The following KIR2DL3 variants were observed in gnomAD, a reference collection of about 807,000 sequenced individuals.
KIR2DL3 encodes killer cell immunoglobulin-like receptor 2DL3.
KIR2DL3 carries 39 observed loss-of-function variants against 33.8 expected under a neutral mutation model. The ratio of observed to expected loss-of-function variants is 1.15; its 90% confidence interval spans 0.89 to 1.51. The LOEUF (loss-of-function observed/expected upper bound fraction) is 1.51, where lower values mean the gene tolerates loss of function less well. KIR2DL3 is among the 40% of genes most tolerant of loss of function. KIR2DL3 has a pLI of 0.00. For synonymous variants in KIR2DL3, 174 were observed against 160.2 expected, an observed-to-expected ratio of 1.09 and a Z score of -0.65; for missense variants, 462 against 426.2, an observed-to-expected ratio of 1.08 and a Z score of -0.74.
At chr19:54,749,793 T>C (rs1227290990) in intron 5 of KIR2DL3, among the ~76,000 whole-genome samples, 1 of 73,304 alleles carries the variant, frequency 1.4e-5, no homozygotes, top group Non-Finnish European at 2.8e-5. Flanking sequence ...GCTCCTATTC[T>C]GGAGGATGAA....
chr19:54,743,457 A>G (rs753877202), intron 3 of KIR2DL3, among the ~76,000 whole-genome samples: 2 of 152,270 alleles, frequency 1.3e-5, no homozygotes, highest in Admixed American at 1.3e-4. Context: ...TCGACAGATA[A>G]TAGATAGAAA....
At chr19:54,745,143 A>T (rs1479371607) in intron 4 of KIR2DL3, among the ~76,000 whole-genome samples, 3 of 151,460 alleles carry the variant, frequency 2.0e-5, no homozygotes, top group African/African-American at 7.3e-5. Flanking sequence ...CTTTCTATGG[A>T]TGAGTAGTCT....
chr19:54,740,981 A>T (rs1469453532), intron 2 of KIR2DL3, among the ~76,000 whole-genome samples: 1 of 151,640 alleles, frequency 6.6e-6, no homozygotes, highest in Admixed American at 6.6e-5. Context: ...AAAGTCAAGG[A>T]ACTGATTCTC....
Position 54,752,756 on chromosome 19 carries a change from T to A in KIR2DL3, c.*237T>A, listed in dbSNP as rs201421992. 2 of 637,690 alleles carry A rather than the reference T, an allele frequency of 3.1e-6. No homozygotes were observed. The highest frequency in any genetic ancestry group is 5.2e-6 in the Non-Finnish European group (2 of 383,742). The allele number at this position is 637,690 out of a possible 1,614,324, so 39.5% of individuals were successfully genotyped here. A position where few individuals can be genotyped will look rare whatever the true frequency, so the allele number is the denominator to read the frequency against. On this transcript the variant is annotated 3_prime_UTR_variant, in exon 8 of 8. Transcript: ENST00000342376. ...ACTGCCTGCTGGAGAGAAAACACACTCCTTTGCTTAGCCCACAATTCTCCA... is the reference window on the plus strand; with the variant it reads ...ACTGCCTGCTGGAGAGAAAACACACACCTTTGCTTAGCCCACAATTCTCCA...
chr19:54,738,919 TGGGCCTG>T (rs2070369531), intron 1 of KIR2DL3, among the ~76,000 whole-genome samples: 1 of 75,734 alleles, frequency 1.3e-5, no homozygotes, highest in Admixed American at 1.6e-4. Flanking sequence ...AGTGGAGATA[TGGGCCTG>T]GAGGTGGAGA....
chr19:54,752,425 TCA>T lies in KIR2DL3; in HGVS notation c.937_938del (p.Gln313GlufsTer27), dbSNP rs1208019025. 2.0e-6 allele frequency: 3 copies of T among 1,467,506 alleles called. 1 individual carries two copies. The highest frequency in any genetic ancestry group is 3.7e-5 in the Admixed American group (2 of 54,520). 90.9% of individuals were successfully genotyped at this position (1,467,506 alleles called of 1,614,324 possible). ...TATGCACAGTTGAATCACTGCGTTTTCACACAGAGAAAAATCACTCGCCCTTC... is the reference window on the plus strand; with the variant it reads ...TATGCACAGTTGAATCACTGCGTTTTCACAGAGAAAAATCACTCGCCCTTC... On this transcript the variant is annotated frameshift_variant, in exon 8 of 8. Transcript: ENST00000342376. LOFTEE classifies it low-confidence loss of function (END_TRUNC).
intron 3 of KIR2DL3, among the ~76,000 whole-genome samples, chr19:54,743,364 A>ACT (rs2071555862): frequency 6.6e-6 from 1 of 152,144 alleles, no homozygotes; most frequent in Non-Finnish European, 1.5e-5. Flanking sequence ...TAGATAGACA[A>ACT]GTGATAGATA....
At chr19:54,746,523 C>G (rs2072512792) in intron 4 of KIR2DL3, among the ~76,000 whole-genome samples, 1 of 148,502 alleles carries the variant, frequency 6.7e-6, no homozygotes, top group Non-Finnish European at 1.5e-5. Context: ...TTCATAGGTT[C>G]AGGCCTTAGA....
intron 4 of KIR2DL3, among the ~76,000 whole-genome samples, chr19:54,745,477 CT>C (rs1228845158): frequency 1.3e-5 from 2 of 151,924 alleles, no homozygotes; most frequent in Non-Finnish European, 2.9e-5. Flanking sequence ...ATTTTCCTGC[CT>C]CAGCCTCCCT....
chr19:54,740,631 C>T (rs2070872340), intron 2 of KIR2DL3, among the ~76,000 whole-genome samples: 1 of 151,556 alleles, frequency 6.6e-6, no homozygotes, highest in African/African-American at 2.4e-5. Flanking sequence ...CCTTGAGGGT[C>T]CCATCACGCA....
At chr19:54,740,848 G>A (rs1568927155) in intron 2 of KIR2DL3, among the ~76,000 whole-genome samples, 1 of 151,952 alleles carries the variant, frequency 6.6e-6, no homozygotes, top group Non-Finnish European at 1.5e-5. Context: ...AATCACAAGG[G>A]TGCACATGAA....
In KIR2DL3 at chr19:54,742,171, G is replaced by A. The variant is rs748164937; in HGVS notation, c.262G>A (p.Gly88Ser). The A allele has an allele frequency of 4.3e-5, 70 of 1,613,900 alleles. No individual in the cohort carries two copies. Among genetic ancestry groups the A allele is most frequent in the South Asian group, 4.1e-4 (37 of 91,076 alleles). ...DGVSKANFSI[G>S]PMMQDLAGTY... ...GGTCTCCAAGGCCAACTTCTCCATCGGTCCCATGATGCAAGACCTTGCAGG... is the reference window on the plus strand; with the variant it reads ...GGTCTCCAAGGCCAACTTCTCCATCAGTCCCATGATGCAAGACCTTGCAGG... The change falls in exon 3 of 8, where the codon GGT becomes AGT. Residue 88 changes from glycine to serine, a missense_variant. By Grantham distance (56) the Gly-to-Ser change is moderately conservative (BLOSUM62 0). Transcript: ENST00000342376.
At chr19:54,748,604 C>T (rs1264118090) in intron 5 of KIR2DL3, among the ~76,000 whole-genome samples, 1 of 146,950 alleles carries the variant, frequency 6.8e-6, no homozygotes, top group African/African-American at 2.5e-5. Flanking sequence ...AGCATCTGTG[C>T]ATGAAATCTA....
intron 4 of KIR2DL3, 38 bp from the exon 5 acceptor site, chr19:54,747,297 C>G (rs796996323): frequency 6.2e-7 from 1 of 1,606,110 alleles, no homozygotes; most frequent in African/African-American, 1.3e-5. Flanking sequence ...AGGACAGACA[C>G]CCTCATTTCC....
intron 2 of KIR2DL3, among the ~76,000 whole-genome samples, chr19:54,739,956 C>A (rs1416435490): frequency 1.3e-5 from 2 of 152,160 alleles, no homozygotes; most frequent in African/African-American, 2.4e-5. Flanking sequence ...TTCGTTCAGG[C>A]ATCCGCTGAT....
At chr19:54,746,693 A>T (rs948845558) in intron 4 of KIR2DL3, among the ~76,000 whole-genome samples, 7 of 150,264 alleles carry the variant, frequency 4.7e-5, no homozygotes, top group African/African-American at 1.7e-4. Flanking sequence ...GTCAAAGTCC[A>T]TTGGATGGGC....
chr19:54,739,021 C>G, intron 1 of KIR2DL3, among the ~76,000 whole-genome samples: 2 of 146,434 alleles, frequency 1.4e-5, no homozygotes, highest in Non-Finnish European at 3.0e-5. Context: ...GAGATATGGG[C>G]CTGGAGTGGA....
chr19:54,739,365 C>T, intron 1 of KIR2DL3, 142 bp from the exon 2 acceptor site: 2 of 1,425,766 alleles, frequency 1.4e-6, no homozygotes, highest in East Asian at 2.3e-5. Flanking sequence ...CAGCCCTGTT[C>T]TTGGGTGCAG....
chr19:54,742,594 A>G (rs2071384455), intron 3 of KIR2DL3, among the ~76,000 whole-genome samples: 1 of 152,014 alleles, frequency 6.6e-6, no homozygotes, highest in Non-Finnish European at 1.5e-5. Flanking sequence ...GGCACAGGTT[A>G]GAAGTTTCAT....
Sources: gnomAD v4.1 joint callset for allele counts (sites outside exome capture counted in the v4.1 genomes callset) on GRCh38, gnomAD v4.1.1 for gene constraint, MANE v1.5 for transcripts, NCBI Gene and HGNC (gene_info 2026-07-23, HGNC 2026-07-21) for gene names.